Variants in METTL24 observed in about 807,000 individuals in gnomAD.
METTL24 encodes the protein methyltransferase like 24, also known as probable methyltransferase-like protein 24.
A neutral mutation model predicts 32.7 loss-of-function variants in METTL24; 29 were observed. The ratio of observed to expected loss-of-function variants is 0.89; its 90% CI spans 0.66 to 1.21. METTL24 has a LOEUF of 1.21. Ranked by LOEUF, METTL24 falls within the 50% of genes most tolerant of loss-of-function variation. The pLI, the probability that METTL24 is intolerant of heterozygous loss-of-function variation, is 0.00. For missense variants in METTL24, 439 were observed against 468.1 expected (o/e 0.94, Z 0.57); for synonymous variants, 163 against 179.5 (o/e 0.91, Z 0.73).
intron 1 of METTL24, among the ~76,000 whole-genome samples, chr6:110,343,364 T>G (rs1369902141): frequency 2.6e-5 from 4 of 152,168 alleles, no homozygotes; most frequent in Non-Finnish European, 5.9e-5. Context: ...CTCTTAATAA[T>G]AAGAACAATG....
chr6:110,316,178 G>A (rs1582421147), intron 2 of METTL24, among the ~76,000 whole-genome samples: 1 of 152,268 alleles, frequency 6.6e-6, no homozygotes, highest in South Asian at 2.1e-4. Context: ...CAGGCAGGAG[G>A]CTCTTCCTGA....
intron 1 of METTL24, among the ~76,000 whole-genome samples, chr6:110,333,454 ATAT>A (rs1481142877): frequency 6.6e-6 from 1 of 151,878 alleles, no homozygotes; most frequent in Non-Finnish European, 1.5e-5. Context: ...TTATTTTATT[ATAT>A]TATTATTTAT....
intron 4 of METTL24, among the ~76,000 whole-genome samples, chr6:110,269,394 T>C (rs1770913923): frequency 6.6e-6 from 1 of 152,224 alleles, no homozygotes; most frequent in African/African-American, 2.4e-5. Context: ...AGCTCTCTTA[T>C]ATTTCAGGAA....
At chr6:110,347,120 C>T (rs191211588) in intron 1 of METTL24, among the ~76,000 whole-genome samples, 14 of 152,236 alleles carry the variant, frequency 9.2e-5, no homozygotes, top group African/African-American at 3.4e-4. Context: ...CTCTTGTTTA[C>T]AAGATTTTAA....
At chr6:110,328,977 G>A (rs1772065584) in intron 1 of METTL24, among the ~76,000 whole-genome samples, 1 of 152,200 alleles carries the variant, frequency 6.6e-6, no homozygotes, top group Non-Finnish European at 1.5e-5. Context: ...TGACAAGCAT[G>A]TTTCTACATT....
chr6:110,318,267 T>C (rs956283806), intron 2 of METTL24, among the ~76,000 whole-genome samples: 2 of 152,236 alleles, frequency 1.3e-5, no homozygotes, highest in African/African-American at 2.4e-5. Context: ...ACAGATTTCA[T>C]CTTGGACAGA....
chr6:110,305,621 A>G (rs1051998087), intron 3 of METTL24, among the ~76,000 whole-genome samples: 1 of 151,726 alleles, frequency 6.6e-6, no homozygotes, highest in Non-Finnish European at 1.5e-5. Context: ...CAAAACCACA[A>G]TGAGATGCCA....
chr6:110,304,643 A>G (rs1771595958), intron 3 of METTL24, among the ~76,000 whole-genome samples: 1 of 152,222 alleles, frequency 6.6e-6, no homozygotes, highest in South Asian at 2.1e-4. Flanking sequence ...AGGAACGAAC[A>G]AAGCCTCCAA....
intron 1 of METTL24, among the ~76,000 whole-genome samples, chr6:110,326,774 A>G (rs1171160234): frequency 6.6e-6 from 1 of 152,180 alleles, no homozygotes; most frequent in African/African-American, 2.4e-5. Context: ...ATCCTATTAC[A>G]TACTCCACCC....
At chr6:110,322,615 C>T in intron 2 of METTL24, 159 bp downstream of exon 2, 1 of 523,392 alleles carries the variant, frequency 1.9e-6, no homozygotes, top group Non-Finnish European at 3.4e-6. Context: ...TATCTGCCTC[C>T]AAGTGAGTGG....
At chr6:110,260,935 A>C (rs949491576) in intron 4 of METTL24, among the ~76,000 whole-genome samples, 3 of 152,110 alleles carry the variant, frequency 2.0e-5, no homozygotes, top group Non-Finnish European at 2.9e-5. Flanking sequence ...TTGTCACCAC[A>C]AGGCCTGCCC....
chr6:110,316,165 C>A (rs1305714459), intron 2 of METTL24, among the ~76,000 whole-genome samples: 1 of 152,188 alleles, frequency 6.6e-6, no homozygotes, highest in Admixed American at 6.5e-5. Context: ...AGGGCAACAG[C>A]CCCAGGCAGG....
intron 1 of METTL24, among the ~76,000 whole-genome samples, chr6:110,326,359 A>G (rs1336254506): frequency 1.3e-5 from 2 of 151,978 alleles, no homozygotes; most frequent in Non-Finnish European, 2.9e-5. Flanking sequence ...AAAATAGATC[A>G]TTTTCCCTGC....
chr6:110,313,630 C>T (rs1337342458), intron 3 of METTL24, among the ~76,000 whole-genome samples: 2 of 152,164 alleles, frequency 1.3e-5, no homozygotes, highest in Non-Finnish European at 2.9e-5. Flanking sequence ...TGGTACTATG[C>T]AATTTTTTAT....
rs1459401511 is a variant in METTL24, at chr6:110,245,530, G to T, written c.*416C>A. Among the ~76,000 whole-genome samples the T allele has an allele frequency of 6.6e-6, 1 of 152,124 alleles. No homozygotes were observed. Among genetic ancestry groups the T allele is most frequent in the Non-Finnish European group, 1.5e-5 (1 of 68,016 alleles). ...GGTAAATAAGAAAAACCTTGAAAAA[G>T]GAGGGTCAAATTCAAATTTAAAACC... On this transcript the variant is annotated 3_prime_UTR_variant, in exon 5 of 5. Transcript: ENST00000338882.
intron 4 of METTL24, among the ~76,000 whole-genome samples, chr6:110,296,813 G>C (rs1771428127): frequency 6.6e-6 from 1 of 152,140 alleles, no homozygotes. Context: ...TTTACTATTT[G>C]CTTCCCCTGC....
intron 4 of METTL24, among the ~76,000 whole-genome samples, chr6:110,263,873 G>C (rs1455572247): frequency 2.0e-5 from 3 of 152,176 alleles, no homozygotes; most frequent in African/African-American, 2.4e-5. Context: ...AATGGGGAAA[G>C]GATTCCCTAT....
At chr6:110,348,893 A>G (rs1228988650) in intron 1 of METTL24, among the ~76,000 whole-genome samples, 1 of 152,242 alleles carries the variant, frequency 6.6e-6, no homozygotes, top group Non-Finnish European at 1.5e-5. Flanking sequence ...AATGTCAACA[A>G]GAATCATTGC....
intron 4 of METTL24, among the ~76,000 whole-genome samples, chr6:110,270,267 C>CT (rs1161360197): frequency 6.6e-6 from 1 of 151,734 alleles, no homozygotes; most frequent in Non-Finnish European, 1.5e-5. Flanking sequence ...CCAGGATCCT[C>CT]TATCCTCTTA....
Sources: gnomAD v4.1 joint callset for allele counts (sites outside exome capture counted in the v4.1 genomes callset) on GRCh38, gnomAD v4.1.1 for gene constraint, MANE v1.5 for transcripts, NCBI Gene and HGNC (gene_info 2026-07-23, HGNC 2026-07-21) for gene names.